ZNF333: variants seen among roughly 807,000 people sequenced by gnomAD.
The protein encoded by ZNF333 is zinc finger protein 333.
ZNF333 carries 61 observed loss-of-function variants against 76.1 expected under a neutral mutation model. The observed-to-expected ratio is 0.80, with a 90% CI of 0.65 to 0.99. The LOEUF (loss-of-function observed/expected upper bound fraction) is 0.99, where lower values mean the gene tolerates loss of function less well. Among genes scored for constraint, ZNF333 ranks in the 50% least tolerant of loss-of-function variants. ZNF333 has a pLI of 0.00. For missense variants in ZNF333, 717 were observed against 822.4 expected (o/e 0.87, Z 1.57); for synonymous variants, 284 against 305.0 (o/e 0.93, Z 0.72).
At chr19:14,705,260 G>C in intron 6 of ZNF333, 90 bp downstream of exon 6, 56 of 1,050,146 alleles carry the variant, frequency 5.3e-5, no homozygotes, top group Non-Finnish European at 6.9e-5. Flanking sequence ...GGAGGGGAGG[G>C]AAAGGAGGGT....
At position 14,696,637 on chromosome 19, in the gene ZNF333, G is replaced by C. The variant is rs773381808; in HGVS notation, c.223+976G>C. Among the ~76,000 whole-genome samples, 5 of 151,768 alleles carry C rather than the reference G, an allele frequency of 3.3e-5. No individual in the cohort carries two copies. In the South Asian group the frequency reaches 1.0e-3, roughly 32 times the overall value. On this transcript the variant is annotated intron_variant, in intron 4 of 11. Coordinates refer to ENST00000292530, the MANE Select transcript of ZNF333 (RefSeq NM_032433.4). ...GAGATCATGTTGCAAGAGAACAAGA[G>C]AGGCCCAGACTGGTTTTTACAGCAA...
At chr19:14,696,990 G>C (rs1040496833) in intron 4 of ZNF333, among the ~76,000 whole-genome samples, 2 of 152,090 alleles carry the variant, frequency 1.3e-5, no homozygotes, top group African/African-American at 4.8e-5. Flanking sequence ...ACCCACCTCA[G>C]CCTCACAAAA....
downstream of ZNF333, among the ~76,000 whole-genome samples, chr19:14,726,325 G>A (rs569459695): frequency 2.6e-5 from 4 of 152,236 alleles, no homozygotes; most frequent in South Asian, 4.2e-4. Flanking sequence ...GAGGTGGCCT[G>A]GAAGATCCCC....
downstream of ZNF333, among the ~76,000 whole-genome samples, chr19:14,722,443 C>G (rs1395211642): frequency 6.6e-6 from 1 of 152,116 alleles, no homozygotes; most frequent in Non-Finnish European, 1.5e-5. Flanking sequence ...AGTCCTTTGA[C>G]CATTTTTAAA....
intron 11 of ZNF333, among the ~76,000 whole-genome samples, chr19:14,729,801 C>A (rs76250706): frequency 3.9e-5 from 6 of 152,130 alleles, no homozygotes; most frequent in Admixed American, 3.9e-4. Context: ...CTATATGAGA[C>A]GAGGCATACA....
chr19:14,694,082 A>C (rs1972980924), intron 2 of ZNF333, among the ~76,000 whole-genome samples: 2 of 152,162 alleles, frequency 1.3e-5, no homozygotes, highest in Non-Finnish European at 2.9e-5. Flanking sequence ...ATGTGCTGGT[A>C]GCCCCTTTCT....
At chr19:14,712,032 C>T (rs968246643) in intron 7 of ZNF333, among the ~76,000 whole-genome samples, 15 of 148,756 alleles carry the variant, frequency 1.0e-4, no homozygotes, top group Non-Finnish European at 2.1e-4. Flanking sequence ...TTGGCTGTAG[C>T]GGGAATGGGT....
At chr19:14,724,374 C>T (rs2042621169), downstream of ZNF333, among the ~76,000 whole-genome samples, 1 of 152,188 alleles carries the variant, frequency 6.6e-6, no homozygotes, top group Non-Finnish European at 1.5e-5. Context: ...ATGGTTATAA[C>T]ACTGGCAACC....
At chr19:14,727,319 A>T (rs62122560) in intron 11 of ZNF333, among the ~76,000 whole-genome samples, 4 of 152,000 alleles carry the variant, frequency 2.6e-5, no homozygotes, top group Admixed American at 6.6e-5. Flanking sequence ...TGAGCCACCA[A>T]GCCCGGCCCA....
chr19:14,690,797 A>G (rs1266252429), intron 1 of ZNF333, among the ~76,000 whole-genome samples: 2 of 151,808 alleles, frequency 1.3e-5, no homozygotes. Flanking sequence ...TTTCTTTCTC[A>G]TAAGAAAGCT....
chr19:14,709,547 A>G (rs138156457), intron 7 of ZNF333, among the ~76,000 whole-genome samples: 1,711 of 152,308 alleles, frequency 0.011, 88 homozygotes, highest in Admixed American at 0.089. Context: ...CCCCTTCTCC[A>G]AGTTCATGTT....
intron 4 of ZNF333, among the ~76,000 whole-genome samples, chr19:14,696,602 C>T (rs1398614445): frequency 1.3e-5 from 2 of 151,984 alleles, no homozygotes; most frequent in Non-Finnish European, 2.9e-5. Flanking sequence ...AGCATCATAA[C>T]ATGGTGGACG....
rs761066779 is a variant in ZNF333, at chr19:14,695,610, A to G, written c.172A>G (p.Arg58Gly). 26 of 1,614,052 alleles carry G rather than the reference A, an allele frequency of 1.6e-5. No individual in the cohort carries two copies. The highest frequency in any genetic ancestry group is 2.1e-5 in the Non-Finnish European group (25 of 1,180,036). Residue 58 changes from arginine (R) to glycine (G), a missense_variant, in exon 4 of 12, where the codon AGA becomes GGA. Coordinates refer to ENST00000292530, the MANE Select transcript of ZNF333 (RefSeq NM_032433.4). ...KPSCVSQLGQ[R>G]AEPKATERGI... ...CAGTTGTGTCTCCCAGCTGGGGCAAAGAGCAGAGCCAAAGGCAACAGAACG... is the reference window on the plus strand; with the variant it reads ...CAGTTGTGTCTCCCAGCTGGGGCAAGGAGCAGAGCCAAAGGCAACAGAACG...
intron 5 of ZNF333, among the ~76,000 whole-genome samples, chr19:14,704,142 C>T (rs1479420362): frequency 1.3e-5 from 2 of 152,032 alleles, no homozygotes; most frequent in Non-Finnish European, 2.9e-5. Context: ...TGTCTCATAG[C>T]CTCTTCAGGG....
At chr19:14,717,387 T>C in intron 10 of ZNF333, 1 of 546,264 alleles carries the variant, frequency 1.8e-6, no homozygotes, top group Non-Finnish European at 3.3e-6. Context: ...TCCTCAACAT[T>C]AGTCACAATC....
chr19:14,704,465 A>G (rs958239463), intron 5 of ZNF333, among the ~76,000 whole-genome samples: 1 of 152,134 alleles, frequency 6.6e-6, no homozygotes, highest in Non-Finnish European at 1.5e-5. Flanking sequence ...TTGTATTTTT[A>G]GTAGAGATGG....
At chr19:14,716,281 C>CA (rs1568552352) in intron 9 of ZNF333, 43 bp downstream of exon 9, 1 of 1,585,382 alleles carries the variant, frequency 6.3e-7, no homozygotes, top group Non-Finnish European at 8.6e-7. Context: ...TTTTTTGAGA[C>CA]AGAGTCTTGC....
At chr19:14,730,180 G>A (rs1415772879) in intron 11 of ZNF333, among the ~76,000 whole-genome samples, 1 of 152,212 alleles carries the variant, frequency 6.6e-6, no homozygotes, top group East Asian at 1.9e-4. Flanking sequence ...GCAGCCTCCT[G>A]AGTAGCTGGG....
chr19:14,714,293 G>A (rs1396713639), intron 7 of ZNF333, among the ~76,000 whole-genome samples: 1 of 152,118 alleles, frequency 6.6e-6, no homozygotes, highest in African/African-American at 2.4e-5. Flanking sequence ...ACAAGGTTGG[G>A]CCCCAATCCA....
Sources: gnomAD v4.1 joint callset for allele counts (sites outside exome capture counted in the v4.1 genomes callset) on GRCh38, gnomAD v4.1.1 for gene constraint, MANE v1.5 for transcripts, NCBI Gene and HGNC (gene_info 2026-07-23, HGNC 2026-07-21) for gene names.